Variants in NAV2 observed in about 807,000 individuals in gnomAD.
The protein encoded by NAV2 is neuron navigator 2, also known as helicase, APC down-regulated 1.
Under a neutral mutation model 223.2 loss-of-function variants are expected in NAV2, and 54 were observed. The observed-to-expected ratio is 0.24, with a 90% CI of 0.19 to 0.30. The LOEUF is 0.30. Among genes scored for constraint, NAV2 ranks in the 10% least tolerant of loss-of-function variants. The pLI, the probability that NAV2 is intolerant of heterozygous loss-of-function variation, is 1.00. For synonymous variants in NAV2, 1,279 were observed against 1,239.3 expected, an observed-to-expected ratio of 1.03 and a Z score of -0.67; for missense variants, 2,806 against 3,147.5, an observed-to-expected ratio of 0.89 and a Z score of 2.60.
At chr11:19,969,169 C>G (rs1484104868) in intron 10 of NAV2, among the ~76,000 whole-genome samples, 2 of 152,234 alleles carry the variant, frequency 1.3e-5, no homozygotes, top group African/African-American at 4.8e-5. Flanking sequence ...ACTGTGCTCC[C>G]CACTATACTG....
intron 1 of NAV2, among the ~76,000 whole-genome samples, chr11:19,724,095 A>G (rs1343579649): frequency 3.3e-5 from 5 of 152,228 alleles, no homozygotes; most frequent in Non-Finnish European, 7.3e-5. Context: ...GAGCCAGAGG[A>G]GACCTATGAG....
intron 1 of NAV2, among the ~76,000 whole-genome samples, chr11:19,552,302 C>T (rs1347355221): frequency 6.6e-6 from 1 of 152,154 alleles, no homozygotes; most frequent in Non-Finnish European, 1.5e-5. Context: ...AGAGGGGAGG[C>T]GTGTGAGGCG....
intron 1 of NAV2, among the ~76,000 whole-genome samples, chr11:19,688,670 T>C (rs4267048): frequency 0.88 from 134,302 of 152,184 alleles, 59,549 homozygotes; most frequent in Middle Eastern, 0.98. Flanking sequence ...CAGGGGGATA[T>C]ATATCAGCTC....
At chr11:19,551,829 C>T (rs1243531462) in intron 1 of NAV2, among the ~76,000 whole-genome samples, 1 of 151,988 alleles carries the variant, frequency 6.6e-6, no homozygotes, top group Non-Finnish European at 1.5e-5. Flanking sequence ...GATTTATTTG[C>T]CTTCCTTTTC....
chr11:19,844,461 G>T, intron 3 of NAV2, among the ~76,000 whole-genome samples: 1 of 152,160 alleles, frequency 6.6e-6, no homozygotes, highest in East Asian at 1.9e-4. Flanking sequence ...AGATTGAGTA[G>T]CCCTAATCTG....
intron 1 of NAV2, among the ~76,000 whole-genome samples, chr11:19,626,188 G>A (rs1291493964): frequency 6.6e-6 from 1 of 152,022 alleles, no homozygotes; most frequent in Non-Finnish European, 1.5e-5. Flanking sequence ...TAGGTATTTG[G>A]CCATTTTGAG....
At chr11:19,729,325 C>T (rs1380853669) in intron 1 of NAV2, among the ~76,000 whole-genome samples, 1 of 152,124 alleles carries the variant, frequency 6.6e-6, no homozygotes, top group Non-Finnish European at 1.5e-5. Flanking sequence ...GTCTGATGAA[C>T]AGACGGTGGA....
intron 1 of NAV2, among the ~76,000 whole-genome samples, chr11:19,686,276 C>T (rs2049020741): frequency 6.6e-6 from 1 of 152,162 alleles, no homozygotes; most frequent in African/African-American, 2.4e-5. Context: ...CTTTGAGTAA[C>T]CTGTCTCTCA....
At chr11:19,650,235 G>A (rs933191727) in intron 1 of NAV2, among the ~76,000 whole-genome samples, 3 of 152,186 alleles carry the variant, frequency 2.0e-5, no homozygotes, top group Non-Finnish European at 4.4e-5. Context: ...AAAATTTGGA[G>A]ACAGACAGCT....
rs545792569 is a variant in NAV2, at chr11:19,801,573, G to A, written c.268-30911G>A. On this transcript the variant is annotated intron_variant, in intron 1 of 37. Coordinates refer to ENST00000349880, the MANE Select transcript of NAV2 (RefSeq NM_145117.5). ...CCTCCACCTGAAAGTGGAAGTATAG[G>A]GTCAGGCACATGGACCTCCTAGCCC... Among the ~76,000 whole-genome samples the A allele has an allele frequency of 7.9e-5, 12 of 152,270 alleles. No individual in the cohort carries two copies. In the South Asian group the frequency reaches 1.2e-3, roughly 16 times the overall value.
At chr11:19,982,269 GT>G (rs2050367953) in intron 10 of NAV2, among the ~76,000 whole-genome samples, 2 of 150,762 alleles carry the variant, frequency 1.3e-5, no homozygotes, top group African/African-American at 4.9e-5. Context: ...TTTTTGTTTT[GT>G]TTTGTTTTGT....
chr11:19,491,196 G>A (rs190680413), intron 1 of NAV2, among the ~76,000 whole-genome samples: 8 of 152,174 alleles, frequency 5.3e-5, no homozygotes, highest in African/African-American at 1.9e-4. Context: ...ATGGGCATTG[G>A]CATCAACTTC....
chr11:19,466,372 T>C (rs770113139), intron 1 of NAV2, among the ~76,000 whole-genome samples: 2 of 152,204 alleles, frequency 1.3e-5, no homozygotes, highest in Non-Finnish European at 2.9e-5. Flanking sequence ...GCTACACTCT[T>C]GGGAGAGATC....
intron 1 of NAV2, among the ~76,000 whole-genome samples, chr11:19,529,592 T>C (rs535518529): frequency 7.9e-5 from 12 of 152,328 alleles, no homozygotes; most frequent in Middle Eastern, 3.4e-3. Flanking sequence ...TTGGGGCCTG[T>C]CTCCCCACCT....
rs140507222 is a variant in NAV2, at chr11:19,873,381, G to C, written c.511+4384G>C. On this transcript the variant is annotated intron_variant, in intron 4 of 37. Coordinates refer to ENST00000349880, the MANE Select transcript of NAV2 (RefSeq NM_145117.5). The stretch of plus-strand genomic sequence containing the variant: ...GGACATTTCCCCCCAGATTTCATGG[G>C]ATGAATAGACATTTGCCAGACAGAA... Among the ~76,000 whole-genome samples, 212 of 152,246 alleles carry C rather than the reference G, an allele frequency of 1.4e-3. 4 individuals carry two copies. The South Asian group carries it at 0.022, about 16-fold the overall frequency.
chr11:19,616,451 A>G (rs1258574193), intron 1 of NAV2, among the ~76,000 whole-genome samples: 5 of 152,116 alleles, frequency 3.3e-5, no homozygotes, highest in Non-Finnish European at 7.4e-5. Context: ...ATAGACACAC[A>G]TAAACTATCC....
Position 20,049,086 on chromosome 11 carries a change from G to A in NAV2, c.4261G>A (p.Gly1421Arg), listed in dbSNP as rs1316505942. Residue 1421 changes from glycine (G) to arginine (R), a missense_variant, in exon 15 of 38, where the codon GGA (glycine) becomes AGA (arginine). By Grantham distance (125) the Gly-to-Arg change is moderately radical. Coordinates refer to ENST00000349880, the MANE Select transcript of NAV2 (RefSeq NM_145117.5). ...GTCCATCGACATCTCCCTCAGCAGTGGAGGGGTCCCCAGCCACAATTCTTC... is the reference window on the plus strand; with the variant it reads ...GTCCATCGACATCTCCCTCAGCAGTAGAGGGGTCCCCAGCCACAATTCTTC... ...CESIDISLSS[G>R]GVPSHNSSTG... 1 of 1,613,914 alleles carries A rather than the reference G, an allele frequency of 6.2e-7. No homozygotes were observed. The highest frequency in any genetic ancestry group is 8.5e-7 in the Non-Finnish European group (1 of 1,180,028).
At chr11:20,117,155 A>G (rs949445721) in intron 37 of NAV2, among the ~76,000 whole-genome samples, 2 of 152,196 alleles carry the variant, frequency 1.3e-5, no homozygotes, top group Admixed American at 6.5e-5. Flanking sequence ...TTCCTGACTT[A>G]CTTCCTATAT....
intron 1 of NAV2, among the ~76,000 whole-genome samples, chr11:19,478,849 T>C (rs535271072): frequency 2.2e-4 from 33 of 152,328 alleles, no homozygotes; most frequent in Admixed American, 1.6e-3. Context: ...AAATACAATG[T>C]CTATTTTAGA....
Sources: gnomAD v4.1 joint callset for allele counts (sites outside exome capture counted in the v4.1 genomes callset) on GRCh38, gnomAD v4.1.1 for gene constraint, MANE v1.5 for transcripts, NCBI Gene and HGNC (gene_info 2026-07-23, HGNC 2026-07-21) for gene names.